The following YJU2 variants were observed in gnomAD, a reference collection of about 807,000 sequenced individuals.
The protein encoded by YJU2 is splicing factor YJU2.
In YJU2, 28 loss-of-function variants were observed where a neutral mutation model predicts 39.6. That is an observed-to-expected ratio of 0.71 (90% CI 0.52 to 0.97). The LOEUF is 0.97. Ranked by LOEUF, YJU2 falls within the 50% of genes least tolerant of loss-of-function variation. The probability of loss-of-function intolerance (pLI) is 0.00; values close to 1 mark genes in which losing one functional copy is unlikely to be tolerated. For synonymous variants in YJU2, 184 were observed against 182.4 expected (o/e 1.01, Z -0.07); for missense variants, 328 against 430.4 (o/e 0.76, Z 2.11).
intron 6 of YJU2, among the ~76,000 whole-genome samples, chr19:4,264,078 C>T (rs561741990): frequency 1.3e-5 from 2 of 151,436 alleles, no homozygotes; most frequent in South Asian, 2.1e-4. Context: ...CTATCTAACA[C>T]GGTGAAACCC....
intron 1 of YJU2, chr19:4,247,402 C>T: frequency 4.1e-6 from 2 of 487,064 alleles, no homozygotes; most frequent in Non-Finnish European, 7.3e-6. Context: ...ACCTGCGGGG[C>T]GTGGCTTGGG....
At chr19:4,248,735 A>G (rs914928343) in intron 1 of YJU2, among the ~76,000 whole-genome samples, 5 of 152,184 alleles carry the variant, frequency 3.3e-5, no homozygotes, top group East Asian at 1.9e-4. Context: ...CCTGGCCAAC[A>G]TGGTGAAACC....
At chr19:4,250,229 G>A (rs1970964510) in intron 2 of YJU2, among the ~76,000 whole-genome samples, 1 of 152,170 alleles carries the variant, frequency 6.6e-6, no homozygotes, top group Admixed American at 6.6e-5. Context: ...ATCTGGGTCA[G>A]TGAAATTCGG....
chr19:4,247,286 G>A lies in YJU2; in HGVS notation c.24+116G>A. 3 of 890,978 alleles carry A rather than the reference G, an allele frequency of 3.4e-6. No individual in the cohort carries two copies. The South Asian group carries it at 4.7e-5, about 14-fold the overall frequency. The allele number at this position is 890,978 out of a possible 1,614,324, so 55.2% of individuals were successfully genotyped here. On this transcript the variant is annotated intron_variant, in intron 1 of 7. Coordinates refer to ENST00000262962, the MANE Select transcript of YJU2 (RefSeq NM_018074.6). ...AACCCTTCTTTCCCAGCGGCCTTCC[G>A]CGAGATGGGGCTTCCCAGACTCCTC...
intron 4 of YJU2, 111 bp downstream of exon 4, chr19:4,254,600 G>T (rs889032567): frequency 1.4e-6 from 2 of 1,418,640 alleles, no homozygotes; most frequent in Admixed American, 5.7e-5. Flanking sequence ...AGATGGGGTG[G>T]GGGGCGTGGT....
At chr19:4,263,194 T>C (rs1971086793) in intron 6 of YJU2, among the ~76,000 whole-genome samples, 1 of 152,070 alleles carries the variant, frequency 6.6e-6, no homozygotes, top group Non-Finnish European at 1.5e-5. Context: ...CATAGAAATT[T>C]ATTTCTCAGT....
chr19:4,248,656 C>G (rs899382987), intron 1 of YJU2, among the ~76,000 whole-genome samples: 1 of 152,278 alleles, frequency 6.6e-6, no homozygotes, highest in South Asian at 2.1e-4. Flanking sequence ...TGATGGCTCA[C>G]GTGTGTAATA....
chr19:4,267,934 T>G (rs548524163), intron 7 of YJU2, among the ~76,000 whole-genome samples, 160 bp downstream of exon 7: 1 of 151,846 alleles, frequency 6.6e-6, no homozygotes, highest in African/African-American at 2.4e-5. Flanking sequence ...GCAGGCGGCT[T>G]CTTTTTTTCT....
chr19:4,247,579 GCGCGTGTGTGTGTGTGTGTGTGT>G, intron 1 of YJU2, among the ~76,000 whole-genome samples: 1 of 52,698 alleles, frequency 1.9e-5, no homozygotes, highest in African/African-American at 1.8e-4. Context: ...GGGTGGGGTG[GCGCGTGTGTGTGTGTGTGTGTGT>G]GTGTGTGTGT....
chr19:4,256,276 C>T (rs1159617240), intron 4 of YJU2, among the ~76,000 whole-genome samples: 2 of 150,778 alleles, frequency 1.3e-5, no homozygotes, highest in African/African-American at 4.9e-5. Flanking sequence ...TGACTGTGTT[C>T]CCTGCTGTCC....
At chr19:4,259,371 G>A (rs1018715444) in intron 5 of YJU2, among the ~76,000 whole-genome samples, 7 of 151,360 alleles carry the variant, frequency 4.6e-5, no homozygotes, top group Non-Finnish European at 8.8e-5. Context: ...GAGCCACCGC[G>A]CCCGGACGAC....
At chr19:4,261,390 C>T (rs1361036120) in intron 5 of YJU2, among the ~76,000 whole-genome samples, 2 of 152,080 alleles carry the variant, frequency 1.3e-5, no homozygotes. Context: ...GCTCGGTAGG[C>T]TGAGGCTGGA....
At chr19:4,261,754 A>T (rs1971072269) in intron 5 of YJU2, among the ~76,000 whole-genome samples, 1 of 151,994 alleles carries the variant, frequency 6.6e-6, no homozygotes, top group Non-Finnish European at 1.5e-5. Flanking sequence ...GCTTGAGCCC[A>T]GGAGGTTGAG....
At position 4,265,502 on chromosome 19, in the gene YJU2, A is replaced by G. The variant is rs2144700278; in HGVS notation, c.709-2122A>G. On this transcript the variant is annotated intron_variant, in intron 6 of 7. Transcript: ENST00000262962. ...GGCTGGTCTCAAACTCCTATCCTCA[A>G]GCAGTCCTCCCGCCTTGGCCTCCCA... 2.0e-5 allele frequency among the ~76,000 whole-genome samples: 3 copies of G among 151,894 alleles called. No homozygotes were observed. The South Asian group carries it at 6.2e-4, about 32-fold the overall frequency.
intron 4 of YJU2, 28 bp downstream of exon 4, chr19:4,254,517 T>TG: frequency 6.5e-7 from 1 of 1,549,530 alleles, no homozygotes; most frequent in East Asian, 2.4e-5. Context: ...TAGGTGTTCA[T>TG]GGGCGCTGTG....
Position 4,268,581 on chromosome 19 carries a change from C to G in YJU2, c.860-3C>G. ...GATGAGCTAACTCTCGCTCTCCCAC[C>G]AGGAGCCCCGCAGAACAGGAAGGAG... is the stretch of plus-strand genomic sequence containing the variant. On this transcript the variant is annotated splice_polypyrimidine_tract_variant and splice_region_variant and intron_variant, in intron 7 of 7. Transcript: ENST00000262962. 1 of 1,607,072 alleles carries G rather than the reference C, an allele frequency of 6.2e-7. No homozygotes were observed. The highest frequency in any genetic ancestry group is 8.5e-7 in the Non-Finnish European group (1 of 1,175,638).
At chr19:4,255,128 G>C (rs1971009158) in intron 4 of YJU2, among the ~76,000 whole-genome samples, 1 of 151,706 alleles carries the variant, frequency 6.6e-6, no homozygotes, top group East Asian at 1.9e-4. Flanking sequence ...GGAGGCTGAG[G>C]CAGGAGAATT....
intron 4 of YJU2, among the ~76,000 whole-genome samples, chr19:4,255,387 C>CA (rs1971011496): frequency 6.6e-6 from 1 of 151,926 alleles, no homozygotes; most frequent in Non-Finnish European, 1.5e-5. Flanking sequence ...AGTCAAAGAC[C>CA]AGCCTGGGCA....
chr19:4,258,497 C>T, intron 5 of YJU2, 74 bp downstream of exon 5: 1 of 1,504,314 alleles, frequency 6.6e-7, no homozygotes, highest in Non-Finnish European at 8.9e-7. Flanking sequence ...TGCCCCAGAC[C>T]CTTTCCCCGC....
Sources: gnomAD v4.1 joint callset for allele counts (sites outside exome capture counted in the v4.1 genomes callset) on GRCh38, gnomAD v4.1.1 for gene constraint, MANE v1.5 for transcripts, NCBI Gene and HGNC (gene_info 2026-07-23, HGNC 2026-07-21) for gene names.